The following NUP210 variants were observed in gnomAD, a reference collection of about 807,000 sequenced individuals.
NUP210 encodes the protein nuclear pore membrane glycoprotein 210.
A neutral mutation model predicts 196.0 loss-of-function variants in NUP210; 151 were observed. The ratio of observed to expected loss-of-function variants is 0.77; its 90% CI spans 0.67 to 0.88. The LOEUF (loss-of-function observed/expected upper bound fraction) is 0.88. Among genes scored for constraint, NUP210 ranks in the 40% least tolerant of loss-of-function variants. The pLI is 0.00. For missense variants in NUP210, 2,314 were observed against 2,493.7 expected, an observed-to-expected ratio of 0.93 and a Z score of 1.53; for synonymous variants, 1,070 against 1,052.7, an observed-to-expected ratio of 1.02 and a Z score of -0.32.
rs546723461 is a variant in NUP210, at chr3:13,384,725, A to C, written c.817+1550T>G. Among the ~76,000 whole-genome samples the C allele has an allele frequency of 7.9e-5, 12 of 152,358 alleles. No homozygotes were observed. In the East Asian group the frequency reaches 2.3e-3, roughly 29 times the overall value. ...GCCATTTCTTGATCAGTGTTCATGG[A>C]TAATTTTATATTTCTGAGACCTCCT... On this transcript the variant is annotated intron_variant, in intron 6 of 39. Transcript: ENST00000254508.
At chr3:13,320,891 CA>C (rs35758403) in intron 36 of NUP210, among the ~76,000 whole-genome samples, 126 of 126,876 alleles carry the variant, frequency 9.9e-4, no homozygotes, top group Middle Eastern at 4.5e-3. Flanking sequence ...GACTCCATCT[CA>C]AAAAAAAAAA....
chr3:13,368,329 G>A (rs1209019923), intron 13 of NUP210, among the ~76,000 whole-genome samples: 1 of 152,006 alleles, frequency 6.6e-6, no homozygotes, highest in African/African-American at 2.4e-5. Flanking sequence ...CTCCCATCTC[G>A]GACTCCCAAA....
At chr3:13,393,325 T>A (rs1699550617) in intron 3 of NUP210, among the ~76,000 whole-genome samples, 1 of 152,144 alleles carries the variant, frequency 6.6e-6, no homozygotes. Flanking sequence ...CTGCAGACAC[T>A]TCAGGGGCTG....
At chr3:13,343,341 G>GC in intron 20 of NUP210, 38 bp from the exon 21 acceptor site, 1 of 1,217,962 alleles carries the variant, frequency 8.2e-7, no homozygotes, top group Non-Finnish European at 1.2e-6. Context: ...GTGGGTGGTG[G>GC]GTTACGCAGC....
chr3:13,345,846 A>G (rs1200249836), intron 20 of NUP210, among the ~76,000 whole-genome samples: 3 of 152,210 alleles, frequency 2.0e-5, no homozygotes, highest in Non-Finnish European at 4.4e-5. Context: ...AACTCATTGA[A>G]AAATTACAGA....
intron 27 of NUP210, 94 bp from the exon 28 acceptor site, chr3:13,335,706 C>T (rs999861591): frequency 2.2e-6 from 3 of 1,392,646 alleles, no homozygotes; most frequent in African/African-American, 1.4e-5. Context: ...ACCCCCCAGC[C>T]CCCCAGTCCT....
intron 29 of NUP210, among the ~76,000 whole-genome samples, chr3:13,331,301 A>G (rs1396112150): frequency 2.0e-5 from 3 of 152,210 alleles, no homozygotes; most frequent in African/African-American, 7.2e-5. Context: ...TATTAATATA[A>G]TAAAGAAACC....
rs1394667065 is a variant in NUP210, at chr3:13,319,874, T to TG, written c.5271dup (p.Ser1758GlnfsTer183). On this transcript the variant is annotated frameshift_variant, in exon 37 of 40. Transcript: ENST00000254508. LOFTEE classifies it high-confidence loss of function. ...AGGGTAGTGGACAGAGGCCCTTGGC[T>TG]GCCAGCCGCGGGGTCCAAGACGCCG... 6.2e-7 allele frequency: 1 copy of TG among 1,614,186 alleles called. No homozygotes were observed. Among genetic ancestry groups the TG allele is most frequent in the South Asian group, 1.1e-5 (1 of 91,086 alleles).
At chr3:13,380,151 A>G (rs1699054547) in intron 6 of NUP210, among the ~76,000 whole-genome samples, 2 of 152,194 alleles carry the variant, frequency 1.3e-5, no homozygotes, top group South Asian at 2.1e-4. Context: ...ATAATTGCCA[A>G]CAATGAACCC....
In NUP210 at chr3:13,322,253, C is replaced by A. The variant is rs1378638109; in HGVS notation, c.4855G>T (p.Val1619Phe). ...ISCQSQFKPA[V>F]FDFPSQDVFT... ...ACATCTTGAGATGGGAAATCAAAGA[C>A]GGCCGGCTTGAACTGGGACTGGCAG... Residue 1619 changes from valine to phenylalanine, a missense_variant, in exon 35 of 40, where the codon GTC (valine) becomes TTC (phenylalanine). Physicochemically the swap from Val to Phe is conservative, Grantham distance 50. Coordinates refer to ENST00000254508, the MANE Select transcript of NUP210 (RefSeq NM_024923.4). The A allele has an allele frequency of 6.2e-7, 1 of 1,614,112 alleles. No individual in the cohort carries two copies. The highest frequency in any genetic ancestry group is 1.3e-5 in the African/African-American group (1 of 74,936).
chr3:13,358,095 G>A, intron 16 of NUP210, 127 bp downstream of exon 16: 1 of 798,686 alleles, frequency 1.3e-6, no homozygotes, highest in Non-Finnish European at 2.0e-6. Context: ...GCCAGTTGTT[G>A]AGACGAAGGA....
chr3:13,325,098 G>C (rs1035879640), intron 33 of NUP210, among the ~76,000 whole-genome samples: 2 of 152,228 alleles, frequency 1.3e-5, no homozygotes, highest in Middle Eastern at 3.4e-3. Context: ...TGATCACAAA[G>C]CCAGACCATG....
chr3:13,400,421 A>G (rs1298608088), intron 1 of NUP210, among the ~76,000 whole-genome samples: 1 of 152,162 alleles, frequency 6.6e-6, no homozygotes, highest in East Asian at 1.9e-4. Context: ...CAGTGGGGAG[A>G]CAGACAGATA....
At chr3:13,392,897 G>A (rs1699537299) in intron 3 of NUP210, among the ~76,000 whole-genome samples, 1 of 151,970 alleles carries the variant, frequency 6.6e-6, no homozygotes, top group African/African-American at 2.4e-5. Flanking sequence ...TGCTCGGTGA[G>A]GGGAGCCTGG....
intron 28 of NUP210, among the ~76,000 whole-genome samples, chr3:13,333,705 C>G (rs369912848): frequency 3.9e-5 from 6 of 152,310 alleles, no homozygotes; most frequent in East Asian, 1.9e-4. Flanking sequence ...TCGGATGCCC[C>G]CTTCCGGCAT....
chr3:13,416,186 A>G (rs1230195511), intron 1 of NUP210, among the ~76,000 whole-genome samples: 1 of 152,154 alleles, frequency 6.6e-6, no homozygotes, highest in Non-Finnish European at 1.5e-5. Flanking sequence ...CTGGTGCAGG[A>G]CCAGGCCTGG....
chr3:13,325,821 C>T lies in NUP210; in HGVS notation c.4618G>A (p.Ala1540Thr), dbSNP rs749304606. 5.6e-6 allele frequency: 9 copies of T among 1,613,770 alleles called. No homozygotes were observed. The highest frequency in any genetic ancestry group is 1.7e-5 in the Admixed American group (1 of 60,008). The stretch of plus-strand genomic sequence containing the variant: ...TCCTTGTAGGTCCTCAGGTGCCCAG[C>T]GACCTCATAGTAAACCGTCACGGAT... ...VGSVTVYYEV[A>T]GHLRTYKEVV... is the part of the protein sequence containing the mutation. The change falls in exon 33 of 40, where the codon GCT (alanine) becomes ACT (threonine). Residue 1540 changes from alanine to threonine, a missense_variant. Physicochemically the swap from Ala to Thr is moderately conservative, Grantham distance 58 (BLOSUM62 0). Transcript: ENST00000254508.
At chr3:13,405,427 T>C (rs1279658309) in intron 1 of NUP210, among the ~76,000 whole-genome samples, 1 of 152,182 alleles carries the variant, frequency 6.6e-6, no homozygotes, top group Non-Finnish European at 1.5e-5. Flanking sequence ...AATGCAGCTC[T>C]TAGGACTTGT....
Position 13,322,283 on chromosome 3 carries a change from T to G in NUP210, c.4825A>C (p.Ile1609Leu), listed in dbSNP as rs549115951. ...VIQALHPETL[I>L]SCQSQFKPAV... is the part of the protein sequence containing the mutation. ...GGCTTGAACTGGGACTGGCAGCTGA[T>G]GAGGGTCTCTGGGTGCAAGGCCTGG... is the stretch of plus-strand genomic sequence containing the variant. Residue 1609 changes from isoleucine to leucine, a missense_variant, in exon 35 of 40, where the codon ATC becomes CTC. Transcript: ENST00000254508. 1.2e-6 allele frequency: 2 copies of G among 1,614,198 alleles called. No homozygotes were observed. Among genetic ancestry groups the G allele is most frequent in the African/African-American group, 2.7e-5 (2 of 75,058 alleles).
Sources: allele counts gnomAD v4.1 joint callset (sites outside exome capture counted in the v4.1 genomes callset), GRCh38; gene constraint gnomAD v4.1.1; transcripts MANE v1.5; gene names NCBI Gene and HGNC (gene_info 2026-07-23, HGNC 2026-07-21).